The following NCAPD2 variants were observed in gnomAD, a reference collection of about 807,000 sequenced individuals.
NCAPD2 encodes the protein non-SMC condensin I complex subunit D2.
In NCAPD2, 100 loss-of-function variants were observed where a neutral mutation model predicts 164.5. The ratio of observed to expected loss-of-function variants is 0.61; its 90% CI spans 0.52 to 0.72. NCAPD2 has a LOEUF of 0.72. NCAPD2 is among the 30% of genes least tolerant of loss of function. NCAPD2 has a pLI of 0.00. For synonymous variants in NCAPD2, 585 were observed against 642.6 expected (o/e 0.91, Z 1.36); for missense variants, 1,560 against 1,749.2 (o/e 0.89, Z 1.93).
chr12:6,525,590 A>T lies in NCAPD2; in HGVS notation c.2222A>T (p.Glu741Val), dbSNP rs745868065. 22 of 1,609,200 alleles carry T rather than the reference A, an allele frequency of 1.4e-5. No individual in the cohort carries two copies. Among genetic ancestry groups the T allele is most frequent in the Non-Finnish European group, 1.9e-5 (22 of 1,177,956 alleles). ...TTTTTCTTTTCTCTTTAGCTCTGTG[A>T]GTTTGTGCAGAAGGATGAGTTGAAA... Reference protein sequence around the residue: ...TIQCLEEILCEFVQKDELKPA... With the variant: ...TIQCLEEILCVFVQKDELKPA... The change falls in exon 18 of 32, where the codon GAG becomes GTG. Residue 741 changes from glutamate to valine, a missense_variant. By Grantham distance (121) the Glu-to-Val change is moderately radical. Coordinates refer to ENST00000315579, the MANE Select transcript of NCAPD2 (RefSeq NM_014865.4).
At position 6,528,064 on chromosome 12, in the gene NCAPD2, T is replaced by G. The variant is rs753618516; in HGVS notation, c.3116T>G (p.Leu1039Arg). 1 of 1,614,256 alleles carries G rather than the reference T, an allele frequency of 6.2e-7. No homozygotes were observed. Among genetic ancestry groups the G allele is most frequent in the East Asian group, 2.2e-5 (1 of 44,892 alleles). Residue 1039 changes from leucine to arginine, a missense_variant, in exon 24 of 32, where the codon CTT (leucine) becomes CGT (arginine). Leu to Arg is a moderately radical substitution (Grantham distance 102, BLOSUM62 -2). Transcript: ENST00000315579. The surrounding 1 kb of genome is among the most constrained non-coding windows in gnomAD (Gnocchi z 5.1). Reference protein sequence around the residue: ...SNPDLSAAASLALGKFCMISA... With the variant: ...SNPDLSAAASRALGKFCMISA... ...CCAGACCTCTCTGCAGCTGCTTCACTTGCCCTTGGCAAGTTCTGCATGATC... is the reference window on the plus strand; with the variant it reads ...CCAGACCTCTCTGCAGCTGCTTCACGTGCCCTTGGCAAGTTCTGCATGATC...
At chr12:6,527,707 A>C in intron 22 of NCAPD2, 70 bp from the exon 23 acceptor site, 1 of 1,455,538 alleles carries the variant, frequency 6.9e-7, no homozygotes, top group Non-Finnish European at 9.4e-7. Context: ...GTTCATGCAA[A>C]ACAAAGTATG....
At chr12:6,504,223 A>ATATATACACATATATATATACAT (rs1565539624) in intron 2 of NCAPD2, among the ~76,000 whole-genome samples, 1 of 26,680 alleles carries the variant, frequency 3.7e-5, no homozygotes, top group African/African-American at 3.0e-4. Context: ...ATATAGATAT[A>ATATATACACATATATATATACAT]GATATATATA....
chr12:6,530,272 T>C (rs141057448), intron 29 of NCAPD2, among the ~76,000 whole-genome samples: 2 of 152,304 alleles, frequency 1.3e-5, no homozygotes, highest in East Asian at 3.9e-4. Context: ...CTTCTACCCC[T>C]TGCCCCTACA....
At chr12:6,503,369 C>T (rs560961550) in intron 2 of NCAPD2, among the ~76,000 whole-genome samples, 7 of 152,184 alleles carry the variant, frequency 4.6e-5, no homozygotes, top group African/African-American at 1.7e-4. Context: ...AGTCCCAAAT[C>T]AATGCACCAG....
intron 13 of NCAPD2, 102 bp downstream of exon 13, chr12:6,518,061 T>C: frequency 1.7e-5 from 19 of 1,140,010 alleles, no homozygotes; most frequent in Middle Eastern, 2.9e-4. Context: ...CACACAGATA[T>C]GCTGCCACCA....
chr12:6,509,177 T>C (rs1179193302), intron 2 of NCAPD2, among the ~76,000 whole-genome samples: 1 of 152,182 alleles, frequency 6.6e-6, no homozygotes. Flanking sequence ...GGCGTGGTAC[T>C]GTCTGCTTTT....
chr12:6,517,291 ATACT>A (rs1946211407), intron 10 of NCAPD2, 70 bp from the exon 11 acceptor site: 1 of 1,570,234 alleles, frequency 6.4e-7, no homozygotes, highest in Non-Finnish European at 8.6e-7. Flanking sequence ...AGTTTAGAGT[ATACT>A]TAAAGATCAT....
At position 6,509,717 on chromosome 12, in the gene NCAPD2, C is replaced by T; in HGVS notation, c.128C>T (p.Ala43Val). ...SIKHLPPQLRAFQAAFRAQGP... is the reference protein window; with the variant it reads ...SIKHLPPQLRVFQAAFRAQGP... ...TGATTTGTTTTTTCCATCTTCATAGCTTTTCAGGCTGCCTTTCGAGCTCAG... is the reference window on the plus strand; with the variant it reads ...TGATTTGTTTTTTCCATCTTCATAGTTTTTCAGGCTGCCTTTCGAGCTCAG... Residue 43 changes from alanine to valine, a missense_variant and splice_region_variant, in exon 3 of 32, where the codon GCT becomes GTT. Coordinates refer to ENST00000315579, the MANE Select transcript of NCAPD2 (RefSeq NM_014865.4). 1.2e-6 allele frequency: 2 copies of T among 1,613,774 alleles called. No homozygotes were observed. Among genetic ancestry groups the T allele is most frequent in the South Asian group, 2.2e-5 (2 of 91,084 alleles).
intron 13 of NCAPD2, among the ~76,000 whole-genome samples, chr12:6,519,787 G>A (rs1946247538): frequency 6.6e-6 from 1 of 151,496 alleles, no homozygotes; most frequent in Non-Finnish European, 1.5e-5. Flanking sequence ...AGAATTGCTT[G>A]AACCCAGGAA....
At chr12:6,527,101 A>C in intron 22 of NCAPD2, 38 bp downstream of exon 22, 4 of 1,568,148 alleles carry the variant, frequency 2.6e-6, no homozygotes, top group Non-Finnish European at 3.5e-6. Flanking sequence ...GATTTATTTC[A>C]TACCTCAGCT....
intron 2 of NCAPD2, among the ~76,000 whole-genome samples, chr12:6,499,907 G>GCT (rs1946019695): frequency 6.6e-6 from 1 of 151,784 alleles, no homozygotes; most frequent in South Asian, 2.1e-4. Context: ...GATTGCTCAA[G>GCT]CTCAGGGGTT....
At position 6,529,575 on chromosome 12, in the gene NCAPD2, A is replaced by C. The variant is rs373223388; in HGVS notation, c.3635A>C (p.Gln1212Pro). 2.2e-4 allele frequency: 362 copies of C among 1,614,078 alleles called. No individual in the cohort carries two copies. The highest frequency in any genetic ancestry group is 2.8e-4 in the Non-Finnish European group (336 of 1,180,024). ...GAGAGCCTGGTGGAAAAGCTGTGTCAGCGGTTCCGCACATCCCGGTATGCT... is the reference window on the plus strand; with the variant it reads ...GAGAGCCTGGTGGAAAAGCTGTGTCCGCGGTTCCGCACATCCCGGTATGCT... The part of the protein sequence containing the change: ...QTESLVEKLC[Q>P]RFRTSRTERQ... Residue 1212 changes from glutamine to proline, a missense_variant, in exon 28 of 32, where the codon CAG becomes CCG. By Grantham distance (76) the Gln-to-Pro change is moderately conservative. Transcript: ENST00000315579.
intron 22 of NCAPD2, 64 bp downstream of exon 22, chr12:6,527,127 C>A: frequency 2.8e-6 from 4 of 1,450,148 alleles, no homozygotes; most frequent in South Asian, 2.9e-5. Flanking sequence ...CTGAGCTGAT[C>A]CCCTTCCGGC....
chr12:6,522,992 G>T lies in NCAPD2; in HGVS notation c.2119G>T (p.Asp707Tyr), dbSNP rs772522759. The T allele has an allele frequency of 6.2e-7, 1 of 1,614,146 alleles. No individual in the cohort carries two copies. The highest frequency in any genetic ancestry group is 1.1e-5 in the South Asian group (1 of 91,084). Residue 707 changes from aspartate to tyrosine, a missense_variant, in exon 16 of 32, where the codon GAC (aspartate) becomes TAC (tyrosine). Coordinates refer to ENST00000315579, the MANE Select transcript of NCAPD2 (RefSeq NM_014865.4). The part of the protein sequence containing the change: ...YRQLYLNPKG[D>Y]SARAKAQALI... ...CCAACTCTACCTCAACCCCAAAGGG[G>T]ACTCTGCCAGGTATATGGGGTGCTT...
At position 6,529,761 on chromosome 12, in the gene NCAPD2, C is replaced by T; in HGVS notation, c.3654-14C>T. 1 of 1,607,900 alleles carries T rather than the reference C, an allele frequency of 6.2e-7. No homozygotes were observed. The highest frequency in any genetic ancestry group is 2.2e-5 in the East Asian group (1 of 44,780). ...GGATCTCCCAGTTCCTCACAAAGCC[C>T]TTCCTATCTGCAGAACTGAGCGGCA... On this transcript the variant is annotated splice_polypyrimidine_tract_variant and intron_variant, in intron 28 of 31. Transcript: ENST00000315579.
chr12:6,528,058 C>T lies in NCAPD2; in HGVS notation c.3110C>T (p.Ala1037Val). 1 of 1,614,262 alleles carries T rather than the reference C, an allele frequency of 6.2e-7. No homozygotes were observed. The highest frequency in any genetic ancestry group is 8.5e-7 in the Non-Finnish European group (1 of 1,180,050). Reference sequence around the variant, plus strand: ...AGCAACCCAGACCTCTCTGCAGCTGCTTCACTTGCCCTTGGCAAGTTCTGC... The same window carrying T: ...AGCAACCCAGACCTCTCTGCAGCTGTTTCACTTGCCCTTGGCAAGTTCTGC... ...LYSNPDLSAA[A>V]SLALGKFCMI... The change falls in exon 24 of 32, where the codon GCT becomes GTT. Residue 1037 changes from alanine to valine, a missense_variant. Ala to Val is a moderately conservative substitution (Grantham distance 64). Transcript: ENST00000315579. The surrounding 1 kb of genome is among the most constrained non-coding windows in gnomAD (Gnocchi z 5.1).
rs1946368303 is a variant in NCAPD2, at chr12:6,531,071, A to T, written c.4115A>T (p.Glu1372Val). The change falls in exon 31 of 32, where the codon GAG becomes GTG. Residue 1372 changes from glutamate to valine, a missense_variant. Coordinates refer to ENST00000315579, the MANE Select transcript of NCAPD2 (RefSeq NM_014865.4). The surrounding 1 kb of genome is among the most constrained non-coding windows in gnomAD (Gnocchi z 4.1). ...GTCTTCTCAAGTGATGAGTCCAGTGAGGAAGGTATGATGCTCCCGCCTGTT... is the reference window on the plus strand; with the variant it reads ...GTCTTCTCAAGTGATGAGTCCAGTGTGGAAGGTATGATGCTCCCGCCTGTT... ...KVVFSSDESS[E>V]EDLSAEMTED... 6.2e-7 allele frequency: 1 copy of T among 1,613,270 alleles called. No individual in the cohort carries two copies. The highest frequency in any genetic ancestry group is 1.3e-5 in the African/African-American group (1 of 74,904).
intron 2 of NCAPD2, among the ~76,000 whole-genome samples, chr12:6,504,180 T>TATATAC (rs1946068219): frequency 3.5e-5 from 2 of 56,872 alleles, no homozygotes; most frequent in Admixed American, 2.3e-4. Context: ...CATATATATA[T>TATATAC]ACATATATAT....
Sources: allele counts gnomAD v4.1 joint callset (sites outside exome capture counted in the v4.1 genomes callset), GRCh38; gene constraint gnomAD v4.1.1; non-coding constraint Gnocchi (gnomAD v3.1); transcripts MANE v1.5; gene names NCBI Gene and HGNC (gene_info 2026-07-23, HGNC 2026-07-21).